SPAG9: variants seen among roughly 807,000 people sequenced by gnomAD.
SPAG9 encodes C-Jun-amino-terminal kinase-interacting protein 4.
SPAG9 carries 35 observed loss-of-function variants against 166.5 expected under a neutral mutation model. The observed-to-expected ratio is 0.21, with a 90% CI of 0.16 to 0.28. SPAG9 has a LOEUF of 0.28. Among genes scored for constraint, SPAG9 ranks in the 10% least tolerant of loss-of-function variants. SPAG9 has a pLI of 1.00. For synonymous variants in SPAG9, 534 were observed against 565.5 expected (o/e 0.94, Z 0.79); for missense variants, 1,235 against 1,603.3 (o/e 0.77, Z 3.92).
At position 51,120,667 on chromosome 17, in the gene SPAG9, G is replaced by C. The variant is rs532963678; in HGVS notation, c.-11C>G. On this transcript the variant is annotated 5_prime_UTR_variant, in exon 1 of 30. Coordinates refer to ENST00000262013, the MANE Select transcript of SPAG9 (RefSeq NM_001130528.3). The surrounding 1 kb of genome is among the most constrained non-coding windows in gnomAD (Gnocchi z 4.7). ...GTCCTCCAGCTCCATGGTGGCAAGC[G>C]GACGGGCGGGCGGCCCGGGGCGTCG... The C allele has an allele frequency of 3.8e-6, 6 of 1,566,504 alleles. No homozygotes were observed. Among genetic ancestry groups the C allele is most frequent in the African/African-American group, 2.7e-5 (2 of 73,530 alleles).
intron 8 of SPAG9, 111 bp from the exon 9 acceptor site, chr17:51,014,464 C>T (rs573518823): frequency 2.8e-5 from 23 of 816,326 alleles, no homozygotes; most frequent in Middle Eastern, 2.5e-4. Flanking sequence ...CTATAATTTA[C>T]GTTTACTAGA....
intron 5 of SPAG9, among the ~76,000 whole-genome samples, chr17:51,034,353 C>G (rs368025019): frequency 1.3e-5 from 2 of 152,206 alleles, no homozygotes; most frequent in East Asian, 3.9e-4. Context: ...ACACTTCTCC[C>G]AAAAAATGTG....
At chr17:51,072,457 C>G (rs891842915) in intron 2 of SPAG9, among the ~76,000 whole-genome samples, 1 of 147,266 alleles carries the variant, frequency 6.8e-6, no homozygotes, top group African/African-American at 2.5e-5. Flanking sequence ...CCAAGGTGAG[C>G]GTATCACCTG....
In SPAG9 at chr17:50,993,836, C is replaced by G. The variant is rs1200373475; in HGVS notation, c.2326G>C (p.Val776Leu). The change falls in exon 19 of 30, where the codon GTT becomes CTT. Residue 776 changes from valine (V) to leucine (L), a missense_variant. Physicochemically the swap from Val to Leu is conservative, Grantham distance 32 (BLOSUM62 1). Coordinates refer to ENST00000262013, the MANE Select transcript of SPAG9 (RefSeq NM_001130528.3). ...SATKVLIIDA[V>L]QPGNILDSFT... is the part of the protein sequence containing the mutation. The stretch of plus-strand genomic sequence containing the variant: ...CTGTCTAGGATGTTGCCAGGTTGAA[C>G]AGCATCAATAATAAGAACTTTTGTA... The G allele has an allele frequency of 3.1e-6, 5 of 1,614,126 alleles. No homozygotes were observed. The South Asian group carries it at 5.5e-5, about 18-fold the overall frequency.
chr17:51,025,353 T>C (rs961296743), intron 6 of SPAG9, among the ~76,000 whole-genome samples: 1 of 149,414 alleles, frequency 6.7e-6, no homozygotes, highest in Non-Finnish European at 1.5e-5. Flanking sequence ...AAAATGCTAT[T>C]TTCTTGAATT....
At chr17:50,990,196 T>A in intron 20 of SPAG9, 1 of 516,684 alleles carries the variant, frequency 1.9e-6, no homozygotes, top group East Asian at 3.6e-5. Flanking sequence ...CCCGGTTAAT[T>A]TTTTGTACTT....
At chr17:51,013,923 C>T (rs2045594317) in intron 9 of SPAG9, among the ~76,000 whole-genome samples, 1 of 150,686 alleles carries the variant, frequency 6.6e-6, no homozygotes, top group African/African-American at 2.5e-5. Context: ...CACACATACA[C>T]ACACACACAT....
At chr17:51,016,208 C>CA (rs200728152) in intron 8 of SPAG9, 111 of 141,268 alleles carry the variant, frequency 7.9e-4, no homozygotes, top group South Asian at 1.8e-3. Context: ...TCATAGTGCT[C>CA]AAAAAAAAAA....
intron 3 of SPAG9, among the ~76,000 whole-genome samples, chr17:51,052,919 C>T (rs1020138461): frequency 2.0e-5 from 3 of 151,870 alleles, no homozygotes; most frequent in South Asian, 2.1e-4. Flanking sequence ...ATTAGCCGAG[C>T]GTGGTGGTGC....
chr17:50,990,515 CCTT>C lies in SPAG9; in HGVS notation c.2549_2551del (p.Glu850del). On this transcript the variant is annotated inframe_deletion, in exon 20 of 30. Transcript: ENST00000262013. ...AGGGGAAGTGGCAGCTCCCGTCACACCTTCTGCAGAACAACCAACCACTGTGAT... is the reference window on the plus strand; with the variant it reads ...AGGGGAAGTGGCAGCTCCCGTCACACCTGCAGAACAACCAACCACTGTGAT... 1 of 1,614,226 alleles carries C rather than the reference CCTT, an allele frequency of 6.2e-7. No homozygotes were observed. Among genetic ancestry groups the C allele is most frequent in the Non-Finnish European group, 8.5e-7 (1 of 1,180,040 alleles).
At chr17:50,985,675 A>T in intron 23 of SPAG9, 23 bp downstream of exon 23, 1 of 1,408,258 alleles carries the variant, frequency 7.1e-7, no homozygotes, top group Non-Finnish European at 1.0e-6. Context: ...TTTAACAAGA[A>T]GAATTTCCAA....
chr17:51,055,459 T>G lies in SPAG9; in HGVS notation c.495+953A>C, dbSNP rs146072905. ...CTTACTGTATACAGAATACAATCTG[T>G]GTGGATATTCTCCAAAACATGATTT... On this transcript the variant is annotated intron_variant, in intron 3 of 29. Transcript: ENST00000262013. 4.1e-3 allele frequency among the ~76,000 whole-genome samples: 624 copies of G among 152,316 alleles called. 8 individuals carry two copies. The highest frequency in any genetic ancestry group is 0.014 in the African/African-American group (601 of 41,574).
At chr17:51,016,431 G>GGA (rs1281567276) in intron 8 of SPAG9, among the ~76,000 whole-genome samples, 1 of 152,222 alleles carries the variant, frequency 6.6e-6, no homozygotes, top group African/African-American at 2.4e-5. Context: ...AATGGGAATA[G>GGA]GAGGCTGCAG....
intron 14 of SPAG9, 105 bp from the exon 15 acceptor site, chr17:50,998,722 G>A: frequency 8.9e-7 from 1 of 1,118,238 alleles, no homozygotes; most frequent in East Asian, 2.4e-5. Context: ...CTTTTACAAG[G>A]CAATGAGTTA....
chr17:50,990,761 G>A (rs1975476254), intron 19 of SPAG9, 93 bp from the exon 20 acceptor site: 1 of 962,662 alleles, frequency 1.0e-6, no homozygotes, highest in East Asian at 2.5e-5. Context: ...TGAGAGTTAT[G>A]CAGGTGAGAT....
At chr17:51,010,479 T>C (rs1422833100) in intron 9 of SPAG9, among the ~76,000 whole-genome samples, 1 of 150,896 alleles carries the variant, frequency 6.6e-6, no homozygotes, top group Admixed American at 6.6e-5. Flanking sequence ...TGCAGTGCCA[T>C]GGGAATACAT....
At position 50,974,883 on chromosome 17, in the gene SPAG9, T is replaced by G. The variant is rs1274261715; in HGVS notation, c.3588A>C (p.Glu1196Asp). ...PGSVIRVYGD[E>D]NSDKVTPGTF... The stretch of plus-strand genomic sequence containing the variant: ...TCCCTGGAGTCACTTTATCACTGTT[T>G]TCATCACCATATACACGGATTACAC... Residue 1196 changes from glutamate (E) to aspartate (D), a missense_variant, in exon 28 of 30, where the codon GAA (glutamate) becomes GAC (aspartate). Coordinates refer to ENST00000262013, the MANE Select transcript of SPAG9 (RefSeq NM_001130528.3). 12 of 1,613,320 alleles carry G rather than the reference T, an allele frequency of 7.4e-6. No individual in the cohort carries two copies. The highest frequency in any genetic ancestry group is 1.0e-5 in the Non-Finnish European group (12 of 1,179,884).
intron 1 of SPAG9, among the ~76,000 whole-genome samples, chr17:51,112,799 C>A (rs1397934913): frequency 6.7e-6 from 1 of 149,260 alleles, no homozygotes; most frequent in Non-Finnish European, 1.5e-5. Flanking sequence ...CATAACGAGA[C>A]CCTGTTTCTA....
chr17:51,009,175 G>A (rs983148737), intron 9 of SPAG9: 1 of 451,190 alleles, frequency 2.2e-6, no homozygotes, highest in Non-Finnish European at 4.4e-6. Context: ...AAATGAATGA[G>A]AATCTCAATT....
Sources: gnomAD v4.1 joint callset for allele counts (sites outside exome capture counted in the v4.1 genomes callset) on GRCh38, gnomAD v4.1.1 for gene constraint, Gnocchi (gnomAD v3.1) non-coding constraint, MANE v1.5 for transcripts, NCBI Gene and HGNC (gene_info 2026-07-23, HGNC 2026-07-21) for gene names.